Variants in FERMT2 observed in about 807,000 individuals in gnomAD.
FERMT2 encodes the protein FERM domain containing kindlin 2.
A neutral mutation model predicts 82.7 loss-of-function variants in FERMT2; 15 were observed. The observed-to-expected ratio is 0.18, with a 90% CI of 0.12 to 0.28. FERMT2 has a LOEUF of 0.28. Among genes scored for constraint, FERMT2 ranks in the 10% least tolerant of loss-of-function variants. The pLI is 1.00. For missense variants in FERMT2, 645 were observed against 809.4 expected (o/e 0.80, Z 2.46); for synonymous variants, 274 against 271.5 (o/e 1.01, Z -0.09).
intron 3 of FERMT2, among the ~76,000 whole-genome samples, chr14:52,909,383 T>A (rs924004092): frequency 6.6e-6 from 1 of 152,212 alleles, no homozygotes; most frequent in African/African-American, 2.4e-5. Context: ...GGAAAGAGCT[T>A]GTCCTTGAAG....
At chr14:52,949,750 G>A (rs886268479) in intron 2 of FERMT2, among the ~76,000 whole-genome samples, 1 of 152,164 alleles carries the variant, frequency 6.6e-6, no homozygotes, top group Non-Finnish European at 1.5e-5. Context: ...GTTTAACAAA[G>A]TCTGCTTTTT....
intron 3 of FERMT2, among the ~76,000 whole-genome samples, chr14:52,906,195 G>T (rs772897299): frequency 6.6e-6 from 1 of 152,150 alleles, no homozygotes; most frequent in South Asian, 2.1e-4. Flanking sequence ...CAGGGGACAG[G>T]AGAGAAGGGA....
At chr14:52,885,309 T>C (rs548486896) in intron 4 of FERMT2, among the ~76,000 whole-genome samples, 2 of 36,266 alleles carry the variant, frequency 5.5e-5, no homozygotes, top group Non-Finnish European at 1.0e-4. Context: ...CGAGACTTAG[T>C]CTCAAAAAAA....
chr14:52,947,059 TAA>T (rs2139715127), intron 2 of FERMT2, among the ~76,000 whole-genome samples: 1 of 152,344 alleles, frequency 6.6e-6, no homozygotes, highest in Admixed American at 6.5e-5. Context: ...CAGCCTAGAC[TAA>T]GTCACAAATG....
chr14:52,900,257 G>A (rs1342392273), intron 3 of FERMT2, among the ~76,000 whole-genome samples: 2 of 151,830 alleles, frequency 1.3e-5, no homozygotes, highest in East Asian at 3.9e-4. Context: ...GAATGCAGCA[G>A]GCCTGAGCCA....
chr14:52,860,401 A>C lies in FERMT2; in HGVS notation c.1667T>G (p.Met556Arg), dbSNP rs1186173801. The change falls in exon 13 of 15, where the codon ATG becomes AGG. Residue 556 changes from methionine (M) to arginine (R), a missense_variant. Transcript: ENST00000341590. ...VAQMSLIEAK[M>R]RFIQAWQSLP... ...TGACTGCCAAGCTTGAATAAATCTCATCTTGGCTTCAATTAGACTCATCTG... is the reference window on the plus strand; with the variant it reads ...TGACTGCCAAGCTTGAATAAATCTCCTCTTGGCTTCAATTAGACTCATCTG... 1 of 1,613,884 alleles carries C rather than the reference A, an allele frequency of 6.2e-7. No homozygotes were observed. The highest frequency in any genetic ancestry group is 1.7e-5 in the Admixed American group (1 of 60,012).
intron 10 of FERMT2, among the ~76,000 whole-genome samples, chr14:52,867,436 T>A (rs1393975532): frequency 6.6e-6 from 1 of 152,238 alleles, no homozygotes; most frequent in Non-Finnish European, 1.5e-5. Context: ...TTATCTTAGC[T>A]TTCATCATAC....
chr14:52,947,350 G>C (rs1188994952), intron 2 of FERMT2, among the ~76,000 whole-genome samples: 1 of 152,112 alleles, frequency 6.6e-6, no homozygotes, highest in African/African-American at 2.4e-5. Context: ...ATGGTGGCGG[G>C]TGTCTGTAGT....
intron 2 of FERMT2, among the ~76,000 whole-genome samples, chr14:52,942,428 G>A (rs113088904): frequency 6.7e-5 from 10 of 149,814 alleles, no homozygotes; most frequent in African/African-American, 4.9e-5. Flanking sequence ...TCAGCCTCCC[G>A]AGTAGCTGCA....
rs143333663 is a variant in FERMT2 at position 52,869,621 on chromosome 14, CA to C, written c.1273+3177del. Among the ~76,000 whole-genome samples the C allele has an allele frequency of 9.0e-3, 1,370 of 152,252 alleles. 21 individuals carry two copies. Among genetic ancestry groups the C allele is most frequent in the African/African-American group, 0.031 (1,281 of 41,538 alleles). On this transcript the variant is annotated intron_variant, in intron 10 of 14. Transcript: ENST00000341590. ...CAGTAATAGAAAGATGTAGCATGTA[CA>C]ATTATAAGTAGTACATAATACCTGA... is the stretch of plus-strand genomic sequence containing the variant.
At position 52,919,226 on chromosome 14, in the gene FERMT2, G is replaced by A; in HGVS notation, c.288C>T (p.His96=). Residue 96 remains histidine, a synonymous_variant, in exon 3 of 15, where the codon CAC becomes CAT. Transcript: ENST00000341590. ...TGGGAAGCTGCAGGCGGAGCAGTTT[G>A]TGCTGAGGGGTGAACTGAAGCTTAG... ...ADAKLQFTPQ[H]KLLRLQLPNM... The A allele has an allele frequency of 6.2e-7, 1 of 1,614,110 alleles. No homozygotes were observed. The highest frequency in any genetic ancestry group is 8.5e-7 in the Non-Finnish European group (1 of 1,179,974).
In FERMT2 at chr14:52,916,784, A is replaced by G. The variant is rs572633535; in HGVS notation, c.391+2339T>C. Among the ~76,000 whole-genome samples, 225 of 152,302 alleles carry G rather than the reference A, an allele frequency of 1.5e-3. 3 individuals are homozygous for G. The highest frequency in any genetic ancestry group is 1.7e-3 in the Non-Finnish European group (115 of 68,026). ...TAGGGAAGGTTGTGCATGTGTGAGGACAGAGGGTATGTGGGAATTCTCTGT... is the reference window on the plus strand; with the variant it reads ...TAGGGAAGGTTGTGCATGTGTGAGGGCAGAGGGTATGTGGGAATTCTCTGT... On this transcript the variant is annotated intron_variant, in intron 3 of 14. Coordinates refer to ENST00000341590, the MANE Select transcript of FERMT2 (RefSeq NM_006832.3).
intron 2 of FERMT2, among the ~76,000 whole-genome samples, chr14:52,935,485 T>A (rs1331931108): frequency 6.6e-6 from 1 of 152,182 alleles, no homozygotes; most frequent in Non-Finnish European, 1.5e-5. Flanking sequence ...GTGCTTCTGG[T>A]GGAACTGGTA....
At chr14:52,860,691 T>C in intron 12 of FERMT2, 1 of 569,410 alleles carries the variant, frequency 1.8e-6, no homozygotes, top group Non-Finnish European at 3.1e-6. Flanking sequence ...CAAAAAGTAC[T>C]ATTAGGAGTA....
rs535175978 is a variant in FERMT2 at position 52,885,986 on chromosome 14, C to T, written c.527-4517G>A. 2.7e-5 allele frequency among the ~76,000 whole-genome samples: 4 copies of T among 148,768 alleles called. No homozygotes were observed. The South Asian group carries it at 8.5e-4, about 31-fold the overall frequency. ...AAAAAAAAGGCCACAAACAAAATGC[C>T]AGTATATAAAGGGAAGTAACACATT... On this transcript the variant is annotated intron_variant, in intron 4 of 14. Transcript: ENST00000341590.
Position 52,919,127 on chromosome 14 carries a change from A to G in FERMT2, c.387T>C (p.Thr129=), listed in dbSNP as rs1274303134. The part of the protein sequence containing the change: ...VFKAVSDICK[T]FNIRHPEELS... ...AAGAATTTATGTAATACTTACTAAA[A>G]GTCTTACAGATGTCAGAAACAGCTT... The change falls in exon 3 of 15, where the codon ACT becomes ACC. Residue 129 remains threonine (T), a synonymous_variant. Transcript: ENST00000341590. The G allele has an allele frequency of 6.3e-7, 1 of 1,598,320 alleles. No homozygotes were observed. The highest frequency in any genetic ancestry group is 1.3e-5 in the African/African-American group (1 of 74,642).
intron 3 of FERMT2, among the ~76,000 whole-genome samples, chr14:52,907,507 G>A (rs1390464815): frequency 6.6e-6 from 1 of 152,100 alleles, no homozygotes; most frequent in Non-Finnish European, 1.5e-5. Flanking sequence ...ATACTTCACT[G>A]CTTTAGGGCG....
At chr14:52,947,981 A>G (rs913853521) in intron 2 of FERMT2, among the ~76,000 whole-genome samples, 9 of 152,246 alleles carry the variant, frequency 5.9e-5, no homozygotes, top group Non-Finnish European at 1.0e-4. Context: ...ATTAAGAAGG[A>G]TATCAGACAG....
intron 2 of FERMT2, among the ~76,000 whole-genome samples, chr14:52,928,642 C>A (rs575322746): frequency 6.6e-6 from 1 of 152,248 alleles, no homozygotes; most frequent in African/African-American, 2.4e-5. Flanking sequence ...CCCAAGACAC[C>A]CTTGGGGAAA....
Sources: allele counts gnomAD v4.1 joint callset (sites outside exome capture counted in the v4.1 genomes callset), GRCh38; gene constraint gnomAD v4.1.1; transcripts MANE v1.5; gene names NCBI Gene and HGNC (gene_info 2026-07-23, HGNC 2026-07-21).